The following GPC6 variants were observed in gnomAD, a reference collection of about 807,000 sequenced individuals.
The protein encoded by GPC6 is glypican 6, also known as glypican-6.
GPC6 carries 14 observed loss-of-function variants against 55.2 expected under a neutral mutation model. That is an observed-to-expected ratio of 0.25 (90% CI 0.17 to 0.40). The LOEUF (loss-of-function observed/expected upper bound fraction) is 0.40. Among genes scored for constraint, GPC6 ranks in the 10% least tolerant of loss-of-function variants. The probability of loss-of-function intolerance (pLI) is 1.00; values close to 1 mark genes in which losing one functional copy is unlikely to be tolerated. For synonymous variants in GPC6, 278 were observed against 259.6 expected, an observed-to-expected ratio of 1.07 and a Z score of -0.68; for missense variants, 641 against 708.5, an observed-to-expected ratio of 0.90 and a Z score of 1.08.
chr13:94,246,882 A>T (rs528419921), intron 4 of GPC6, among the ~76,000 whole-genome samples: 2 of 151,624 alleles, frequency 1.3e-5, no homozygotes, highest in African/African-American at 2.4e-5. Context: ...GAATTTTAGG[A>T]TTGTTTTTTC....
chr13:94,178,104 C>T (rs9584198), intron 4 of GPC6, among the ~76,000 whole-genome samples: 40,029 of 149,296 alleles, frequency 0.27, 6,817 homozygotes, highest in African/African-American at 0.49. Flanking sequence ...CTGCAACCTC[C>T]GCCTCCTGGG....
At chr13:94,387,588 T>A (rs1422326211) in intron 7 of GPC6, among the ~76,000 whole-genome samples, 2 of 152,208 alleles carry the variant, frequency 1.3e-5, no homozygotes, top group Non-Finnish European at 2.9e-5. Flanking sequence ...GATTGACTGT[T>A]TGTGTCCCCC....
intron 2 of GPC6, among the ~76,000 whole-genome samples, chr13:93,615,548 G>A (rs530702036): frequency 6.6e-6 from 1 of 152,216 alleles, no homozygotes; most frequent in Admixed American, 6.5e-5. Context: ...TTGGGCAGCA[G>A]CCACACAAAC....
At chr13:93,318,218 A>G (rs1030850050) in intron 1 of GPC6, among the ~76,000 whole-genome samples, 2 of 152,134 alleles carry the variant, frequency 1.3e-5, no homozygotes, top group Non-Finnish European at 1.5e-5. Flanking sequence ...CAAGGAAATT[A>G]TAGGAAGCAT....
intron 4 of GPC6, among the ~76,000 whole-genome samples, chr13:94,173,650 A>C (rs1888649101): frequency 6.6e-6 from 1 of 152,172 alleles, no homozygotes; most frequent in African/African-American, 2.4e-5. Context: ...CCAAGCTAGC[A>C]CACCTCAAGG....
intron 1 of GPC6, among the ~76,000 whole-genome samples, chr13:93,446,227 G>A (rs1219632489): frequency 6.6e-6 from 1 of 152,058 alleles, no homozygotes; most frequent in Admixed American, 6.6e-5. Flanking sequence ...TTCCATCCTA[G>A]CTCCTGCAAG....
At chr13:93,806,903 A>C (rs1886558419) in intron 2 of GPC6, among the ~76,000 whole-genome samples, 1 of 151,202 alleles carries the variant, frequency 6.6e-6, no homozygotes, top group Non-Finnish European at 1.5e-5. Flanking sequence ...ACATCAACAT[A>C]AGACAGTCAG....
intron 3 of GPC6, among the ~76,000 whole-genome samples, chr13:93,982,505 C>T (rs897856873): frequency 1.3e-5 from 2 of 152,082 alleles, no homozygotes; most frequent in African/African-American, 4.8e-5. Flanking sequence ...AGATACCGAC[C>T]CTACATTATT....
chr13:93,428,673 T>C (rs1877243683), intron 1 of GPC6, among the ~76,000 whole-genome samples: 1 of 152,116 alleles, frequency 6.6e-6, no homozygotes, highest in African/African-American at 2.4e-5. Flanking sequence ...CTGAGATTCA[T>C]AGGGATATTA....
chr13:94,335,178 C>T (rs535888796), intron 6 of GPC6, among the ~76,000 whole-genome samples: 19 of 152,116 alleles, frequency 1.2e-4, no homozygotes, highest in South Asian at 2.1e-4. Flanking sequence ...AGGGCAACAA[C>T]GCTATAAAGG....
intron 1 of GPC6, among the ~76,000 whole-genome samples, chr13:93,315,595 C>T (rs1879220091): frequency 1.3e-5 from 2 of 151,692 alleles, no homozygotes; most frequent in Admixed American, 1.3e-4. Context: ...TTAAGTCAAC[C>T]ACTAAATATT....
chr13:93,335,325 C>T lies in GPC6; in HGVS notation c.160+107709C>T, dbSNP rs1880009244. 2.6e-5 allele frequency among the ~76,000 whole-genome samples: 4 copies of T among 152,306 alleles called. No homozygotes were observed. The East Asian group carries it at 7.7e-4, about 29-fold the overall frequency. ...TTTATTATCATAATAATACACCTCA[C>T]ATCATTGAAGTCTTTTACAGTTTAC... is the stretch of plus-strand genomic sequence containing the variant. On this transcript the variant is annotated intron_variant, in intron 1 of 8. Coordinates refer to ENST00000377047, the MANE Select transcript of GPC6 (RefSeq NM_005708.5).
At chr13:93,512,991 G>C (rs926229191) in intron 1 of GPC6, among the ~76,000 whole-genome samples, 14 of 152,116 alleles carry the variant, frequency 9.2e-5, no homozygotes, top group African/African-American at 3.4e-4. Context: ...GAGTAAATTA[G>C]CTATGCTAGA....
intron 3 of GPC6, among the ~76,000 whole-genome samples, chr13:93,891,810 T>C (rs1286875239): frequency 6.6e-6 from 1 of 152,036 alleles, no homozygotes; most frequent in Non-Finnish European, 1.5e-5. Flanking sequence ...GATGGCTTAG[T>C]ATATCTGTCA....
At chr13:94,093,840 A>G (rs1885577889) in intron 4 of GPC6, among the ~76,000 whole-genome samples, 1 of 152,146 alleles carries the variant, frequency 6.6e-6, no homozygotes. Flanking sequence ...TGATCAGCAC[A>G]TCTAATCCTA....
At chr13:93,766,596 T>C (rs1324811074) in intron 2 of GPC6, among the ~76,000 whole-genome samples, 6 of 145,896 alleles carry the variant, frequency 4.1e-5, no homozygotes, top group Admixed American at 3.4e-4. Context: ...TTTTATATTA[T>C]GTCCAAGGAA....
At chr13:93,843,941 G>A (rs1888060574) in intron 3 of GPC6, among the ~76,000 whole-genome samples, 2 of 152,012 alleles carry the variant, frequency 1.3e-5, no homozygotes, top group Non-Finnish European at 2.9e-5. Context: ...CATGTGTCAA[G>A]AAAAATAATG....
At chr13:93,221,488 G>GT in the GPC6 span, among the ~76,000 whole-genome samples, 3 of 152,086 alleles carry the variant, frequency 2.0e-5, no homozygotes, top group African/African-American at 7.2e-5. Context: ...ATGGTGTTTG[G>GT]TTTTCCCCCC....
At chr13:93,588,828 T>G (rs542202258) in intron 2 of GPC6, among the ~76,000 whole-genome samples, 1 of 152,138 alleles carries the variant, frequency 6.6e-6, no homozygotes, top group Non-Finnish European at 1.5e-5. Flanking sequence ...ACATGAGATT[T>G]GGTGGAGGGA....
Sources: allele counts gnomAD v4.1 joint callset (sites outside exome capture counted in the v4.1 genomes callset), GRCh38; gene constraint gnomAD v4.1.1; transcripts MANE v1.5; gene names NCBI Gene and HGNC (gene_info 2026-07-23, HGNC 2026-07-21).